The following SRP68 variants were observed in gnomAD, a reference collection of about 807,000 sequenced individuals.
SRP68 encodes signal recognition particle 68.
In SRP68, 15 loss-of-function variants were observed where a neutral mutation model predicts 82.2. That is an observed-to-expected ratio of 0.18 (90% CI 0.12 to 0.28). The LOEUF is 0.28. SRP68 is among the 10% of genes least tolerant of loss of function. The probability of loss-of-function intolerance (pLI) is 1.00; values close to 1 mark genes in which losing one functional copy is unlikely to be tolerated. For missense variants in SRP68, 595 were observed against 780.5 expected (o/e 0.76, Z 2.83); for synonymous variants, 261 against 292.6 (o/e 0.89, Z 1.10).
chr17:76,072,212 C>G lies in SRP68; in HGVS notation c.184+96G>C. On this transcript the variant is annotated intron_variant, in intron 1 of 15. Transcript: ENST00000307877. This position sits in a 1 kb window ranked among gnomAD's most constrained non-coding sequence, Gnocchi z 4.5. ...GAGAAACTGCAACCCTCGGCCTCTCCTGCCAGGACTTGTCGGGACCCGCCG... is the reference window on the plus strand; with the variant it reads ...GAGAAACTGCAACCCTCGGCCTCTCGTGCCAGGACTTGTCGGGACCCGCCG... 1 of 1,583,702 alleles carries G rather than the reference C, an allele frequency of 6.3e-7. No individual in the cohort carries two copies. The highest frequency in any genetic ancestry group is 8.5e-7 in the Non-Finnish European group (1 of 1,172,564).
At chr17:76,040,754 G>A in intron 14 of SRP68, 149 bp downstream of exon 14, 2 of 756,060 alleles carry the variant, frequency 2.6e-6, no homozygotes, top group Non-Finnish European at 2.2e-6. Context: ...ACAATCTGAT[G>A]CCCAGCTGGC....
intron 4 of SRP68, among the ~76,000 whole-genome samples, chr17:76,062,706 T>TATATATATA: frequency 1.4e-5 from 1 of 73,934 alleles, no homozygotes; most frequent in African/African-American, 7.2e-5. Context: ...ATATTGTATA[T>TATATATATA]TATACAATAT....
chr17:76,060,446 A>G (rs1339014605), intron 6 of SRP68, 56 bp from the exon 7 acceptor site: 3 of 1,270,268 alleles, frequency 2.4e-6, no homozygotes, highest in African/African-American at 1.5e-5. Context: ...CTTGAGAATC[A>G]CTAGATTCAA....
chr17:76,060,696 T>C, intron 6 of SRP68: 1 of 368,262 alleles, frequency 2.7e-6, no homozygotes, highest in East Asian at 5.2e-5. Flanking sequence ...GGTGTGTCTA[T>C]AAAGGGCCAT....
intron 4 of SRP68, among the ~76,000 whole-genome samples, chr17:76,062,160 G>A (rs959993904): frequency 7.2e-5 from 11 of 151,758 alleles, no homozygotes; most frequent in South Asian, 4.2e-4. Flanking sequence ...GGCGGCAGGC[G>A]CCTGTAATCC....
intron 15 of SRP68, among the ~76,000 whole-genome samples, chr17:76,040,147 G>A (rs1038854251): frequency 6.6e-6 from 1 of 152,210 alleles, no homozygotes; most frequent in African/African-American, 2.4e-5. Flanking sequence ...GGCAGGCTAG[G>A]ACTGGGGTGC....
intron 15 of SRP68, 65 bp downstream of exon 15, chr17:76,040,354 G>A (rs2066579931): frequency 6.8e-7 from 1 of 1,467,524 alleles, no homozygotes; most frequent in East Asian, 2.3e-5. Context: ...TCTATAATGA[G>A]CATGCATTCC....
At chr17:76,043,985 T>G (rs1905659314) in intron 12 of SRP68, 27 bp from the exon 13 acceptor site, 1 of 1,586,254 alleles carries the variant, frequency 6.3e-7, no homozygotes, top group African/African-American at 1.4e-5. Context: ...AGAGCCACAA[T>G]ATTCTAAAGC....
Position 76,070,433 on chromosome 17 carries a change from T to C in SRP68, c.196A>G (p.Ile66Val), listed in dbSNP as rs759152561. 1 of 1,614,084 alleles carries C rather than the reference T, an allele frequency of 6.2e-7. No homozygotes were observed. Among genetic ancestry groups the C allele is most frequent in the East Asian group, 2.2e-5 (1 of 44,876 alleles). Residue 66 changes from isoleucine to valine, a missense_variant, in exon 2 of 16, where the codon ATT (isoleucine) becomes GTT (valine). Physicochemically the swap from Ile to Val is conservative, Grantham distance 29. Coordinates refer to ENST00000307877, the MANE Select transcript of SRP68 (RefSeq NM_014230.4). Reference sequence around the variant, plus strand: ...CCATGCTGCTGCTGGGATTCCTTAATAATCTGAAGAACTAGAGTCGAGATT... The same window carrying C: ...CCATGCTGCTGCTGGGATTCCTTAACAATCTGAAGAACTAGAGTCGAGATT... ...DSLSLEILQI[I>V]KESQQQHGLR... is the part of the protein sequence containing the mutation.
intron 3 of SRP68, among the ~76,000 whole-genome samples, chr17:76,066,681 A>T (rs2144528461): frequency 6.7e-6 from 1 of 148,548 alleles, no homozygotes; most frequent in South Asian, 2.1e-4. Flanking sequence ...CCCTGTACAG[A>T]GACAGAGGAA....
chr17:76,065,394 C>T (rs2144526195), intron 3 of SRP68, among the ~76,000 whole-genome samples: 1 of 148,690 alleles, frequency 6.7e-6, no homozygotes, highest in East Asian at 2.0e-4. Flanking sequence ...AAGCTATGAT[C>T]CCACTGCTAC....
intron 8 of SRP68, among the ~76,000 whole-genome samples, chr17:76,057,100 C>T (rs188926240): frequency 5.3e-5 from 8 of 152,324 alleles, no homozygotes; most frequent in Admixed American, 1.3e-4. Context: ...AGTTAAGCTG[C>T]TGCACCACCT....
intron 3 of SRP68, among the ~76,000 whole-genome samples, 199 bp downstream of exon 3, chr17:76,067,018 G>A (rs1286401248): frequency 6.6e-6 from 1 of 152,056 alleles, no homozygotes; most frequent in Non-Finnish European, 1.5e-5. Flanking sequence ...GTGAACCACT[G>A]CACCTGGCCC....
chr17:76,061,912 G>A (rs923253235), intron 4 of SRP68, among the ~76,000 whole-genome samples: 2 of 152,018 alleles, frequency 1.3e-5, no homozygotes, highest in Non-Finnish European at 2.9e-5. Context: ...GCCGAGGCAG[G>A]AGGGTTACTT....
At position 76,072,287 on chromosome 17, in the gene SRP68, G is replaced by C; in HGVS notation, c.184+21C>G. ...TTCGACACGTAATCATTGCGAGTTA[G>C]GCCCGATTACTCTAGGATACTCTCC... On this transcript the variant is annotated intron_variant, in intron 1 of 15. Transcript: ENST00000307877. This position sits in a 1 kb window ranked among gnomAD's most constrained non-coding sequence, Gnocchi z 4.5. The C allele has an allele frequency of 1.2e-6, 2 of 1,608,104 alleles. No individual in the cohort carries two copies. Among genetic ancestry groups the C allele is most frequent in the Non-Finnish European group, 1.7e-6 (2 of 1,178,222 alleles).
At chr17:76,066,577 A>C (rs1000070502) in intron 3 of SRP68, among the ~76,000 whole-genome samples, 2 of 151,094 alleles carry the variant, frequency 1.3e-5, no homozygotes, top group Non-Finnish European at 2.9e-5. Context: ...GATTCTAATC[A>C]CTGACTTCAA....
rs1567933906 is a variant in SRP68 at position 76,061,151 on chromosome 17, T to A, written c.713A>T (p.Glu238Val). The change falls in exon 6 of 16, where the codon GAA becomes GTA. Residue 238 changes from glutamate to valine, a missense_variant. By Grantham distance (121) the Glu-to-Val change is moderately radical. Around this residue, in one of 2 missense-constraint regions of SRP68, gnomAD observed 495 missense variants for 688.6 expected, o/e 0.72. Coordinates refer to ENST00000307877, the MANE Select transcript of SRP68 (RefSeq NM_014230.4). ...ATAGCGGATGTTGGGTGAAATCTCT[T>A]CCACACGTTGGTTATACAGCACAGC... Reference protein sequence around the residue: ...EQAVLYNQRVEEISPNIRYCA... With the variant: ...EQAVLYNQRVVEISPNIRYCA... 1 of 1,613,958 alleles carries A rather than the reference T, an allele frequency of 6.2e-7. No individual in the cohort carries two copies. Among genetic ancestry groups the A allele is most frequent in the Non-Finnish European group, 8.5e-7 (1 of 1,179,832 alleles).
chr17:76,070,596 T>C (rs1276552475), intron 1 of SRP68, 152 bp from the exon 2 acceptor site: 6 of 702,554 alleles, frequency 8.5e-6, no homozygotes, highest in Non-Finnish European at 1.2e-5. Context: ...ATCCCAGCAC[T>C]GTGGGAGGCC....
chr17:76,064,206 G>A, intron 3 of SRP68, 35 bp from the exon 4 acceptor site: 1 of 1,577,066 alleles, frequency 6.3e-7, no homozygotes, highest in African/African-American at 1.4e-5. Context: ...GACAATAAAG[G>A]CCATCAACAG....
Sources: allele counts gnomAD v4.1 joint callset (sites outside exome capture counted in the v4.1 genomes callset), GRCh38; gene constraint gnomAD v4.1.1; regional missense constraint gnomAD v4.1.1; non-coding constraint Gnocchi (gnomAD v3.1); transcripts MANE v1.5; gene names NCBI Gene and HGNC (gene_info 2026-07-23, HGNC 2026-07-21).